Variants in KCNAB1 observed in about 807,000 individuals in gnomAD.
KCNAB1 encodes the protein potassium voltage-gated channel subfamily A regulatory beta subunit 1.
In KCNAB1, 35 loss-of-function variants were observed where a neutral mutation model predicts 64.6. That is an observed-to-expected ratio of 0.54 (90% CI 0.41 to 0.72). KCNAB1 has a LOEUF of 0.72. Among genes scored for constraint, KCNAB1 ranks in the 30% least tolerant of loss-of-function variants. The pLI, the probability that KCNAB1 is intolerant of heterozygous loss-of-function variation, is 0.00. For missense variants in KCNAB1, 401 were observed against 512.9 expected, an observed-to-expected ratio of 0.78 and a Z score of 2.11; for synonymous variants, 177 against 183.8, an observed-to-expected ratio of 0.96 and a Z score of 0.30.
At chr3:156,494,590 GA>G (rs1438951723) in intron 8 of KCNAB1, among the ~76,000 whole-genome samples, 2 of 152,126 alleles carry the variant, frequency 1.3e-5, no homozygotes, top group Non-Finnish European at 2.9e-5. Flanking sequence ...TTCCTATGTT[GA>G]AAGAGATTCA....
intron 11 of KCNAB1, among the ~76,000 whole-genome samples, chr3:156,520,577 C>T (rs1391207035): frequency 2.0e-5 from 3 of 151,826 alleles, no homozygotes; most frequent in Admixed American, 6.6e-5. Flanking sequence ...GACCCTGTCT[C>T]GAAAAAATAT....
At chr3:156,156,464 C>CTGGG (rs1247314673) in intron 1 of KCNAB1, among the ~76,000 whole-genome samples, 1 of 152,114 alleles carries the variant, frequency 6.6e-6, no homozygotes, top group Non-Finnish European at 1.5e-5. Flanking sequence ...AAGAAGTTAC[C>CTGGG]ATAATTGCCC....
At chr3:156,167,568 A>G (rs551501528) in intron 1 of KCNAB1, among the ~76,000 whole-genome samples, 103 of 152,344 alleles carry the variant, frequency 6.8e-4, no homozygotes, top group African/African-American at 2.5e-3. Context: ...TCAATAGAAT[A>G]AAAATATCAT....
intron 1 of KCNAB1, among the ~76,000 whole-genome samples, chr3:156,323,603 GAA>G (rs1330526680): frequency 6.6e-6 from 1 of 152,182 alleles, no homozygotes; most frequent in Non-Finnish European, 1.5e-5. Flanking sequence ...GTGTCATTCT[GAA>G]GAGAGGATGT....
intron 1 of KCNAB1, among the ~76,000 whole-genome samples, chr3:156,340,270 AAAAAT>A (rs750327720): frequency 4.6e-5 from 7 of 152,230 alleles, no homozygotes; most frequent in Non-Finnish European, 7.3e-5. Flanking sequence ...GATAAGCTGA[AAAAAT>A]AAAATAAAAC....
intron 12 of KCNAB1, among the ~76,000 whole-genome samples, chr3:156,529,243 C>G (rs1718527746): frequency 6.6e-6 from 1 of 152,164 alleles, no homozygotes; most frequent in Non-Finnish European, 1.5e-5. Context: ...AAACGACCAC[C>G]TATTGTATGA....
intron 1 of KCNAB1, among the ~76,000 whole-genome samples, chr3:156,172,067 C>A (rs77491612): frequency 0.017 from 2,623 of 152,230 alleles, 48 homozygotes; most frequent in South Asian, 0.031. Context: ...CAAGAAAAAT[C>A]TCTAGGAACA....
chr3:156,129,010 G>A (rs986906403), intron 1 of KCNAB1, among the ~76,000 whole-genome samples: 1 of 148,876 alleles, frequency 6.7e-6, no homozygotes, highest in Non-Finnish European at 1.5e-5. Flanking sequence ...TAATTATCAA[G>A]CATTTATAAA....
At chr3:156,347,532 A>G (rs1001407873) in intron 1 of KCNAB1, among the ~76,000 whole-genome samples, 1 of 152,248 alleles carries the variant, frequency 6.6e-6, no homozygotes, top group Non-Finnish European at 1.5e-5. Context: ...GTTCCATATT[A>G]TAAAAAACTC....
intron 1 of KCNAB1, among the ~76,000 whole-genome samples, chr3:156,269,578 A>G (rs912228576): frequency 4.6e-5 from 7 of 152,180 alleles, no homozygotes; most frequent in Non-Finnish European, 7.4e-5. Context: ...GATCTGTCCA[A>G]TGCTGAAAGT....
intron 12 of KCNAB1, among the ~76,000 whole-genome samples, chr3:156,528,632 G>A (rs1465429547): frequency 6.6e-6 from 1 of 152,148 alleles, no homozygotes; most frequent in African/African-American, 2.4e-5. Context: ...AAATATTAGT[G>A]AGGCAAAAAG....
chr3:156,472,498 G>A (rs147899866), intron 7 of KCNAB1, among the ~76,000 whole-genome samples: 241 of 152,276 alleles, frequency 1.6e-3, no homozygotes, highest in African/African-American at 5.4e-3. Context: ...AAGACTTTAC[G>A]TGATTGAGAT....
chr3:156,342,715 C>T (rs555052999), intron 1 of KCNAB1, among the ~76,000 whole-genome samples: 7 of 149,314 alleles, frequency 4.7e-5, no homozygotes, highest in Admixed American at 2.7e-4. Flanking sequence ...CGCCCACTAA[C>T]GTGTCATCTA....
chr3:156,502,550 A>G (rs1716522915), intron 8 of KCNAB1, among the ~76,000 whole-genome samples: 1 of 150,084 alleles, frequency 6.7e-6, no homozygotes, highest in African/African-American at 2.5e-5. Context: ...ACACACACAC[A>G]CACACACACA....
At chr3:156,221,121 C>A (rs917010505) in intron 1 of KCNAB1, among the ~76,000 whole-genome samples, 2 of 152,076 alleles carry the variant, frequency 1.3e-5, no homozygotes, top group Non-Finnish European at 2.9e-5. Flanking sequence ...TTACTGTAGC[C>A]TTGTAGTATA....
chr3:156,291,613 A>G (rs1720427938), intron 1 of KCNAB1: 1 of 1,296,690 alleles, frequency 7.7e-7, no homozygotes, highest in Admixed American at 3.3e-5. Context: ...ATCAGCCGAG[A>G]TTACAGCCCG....
chr3:156,511,252 C>T (rs547463156), intron 8 of KCNAB1, among the ~76,000 whole-genome samples: 6 of 152,036 alleles, frequency 3.9e-5, no homozygotes, highest in African/African-American at 1.4e-4. Flanking sequence ...TACAGGCACC[C>T]GCCACCACGC....
chr3:156,420,208 A>G (rs1715376860), intron 1 of KCNAB1, among the ~76,000 whole-genome samples: 1 of 152,198 alleles, frequency 6.6e-6, no homozygotes, highest in South Asian at 2.1e-4. Context: ...CATTCTCACG[A>G]TCTGGCCCTA....
At chr3:156,269,746 G>A (rs1248437102) in intron 1 of KCNAB1, among the ~76,000 whole-genome samples, 3 of 151,842 alleles carry the variant, frequency 2.0e-5, no homozygotes. Flanking sequence ...TCTTTCTATA[G>A]TTTTTGTCTT....
Sources: allele counts gnomAD v4.1 joint callset (sites outside exome capture counted in the v4.1 genomes callset), GRCh38; gene constraint gnomAD v4.1.1; transcripts MANE v1.5; gene names NCBI Gene and HGNC (gene_info 2026-07-23, HGNC 2026-07-21).